The following CHRNA5 variants were observed in gnomAD, a reference collection of about 807,000 sequenced individuals.
The protein encoded by CHRNA5 is neuronal acetylcholine receptor subunit alpha-5.
A neutral mutation model predicts 41.2 loss-of-function variants in CHRNA5; 28 were observed. The ratio of observed to expected loss-of-function variants is 0.68; its 90% CI spans 0.50 to 0.93. The LOEUF is 0.93. Among genes scored for constraint, CHRNA5 ranks in the 40% least tolerant of loss-of-function variants. The pLI, the probability that CHRNA5 is intolerant of heterozygous loss-of-function variation, is 0.00. For missense variants in CHRNA5, 481 were observed against 581.9 expected (o/e 0.83, Z 1.78); for synonymous variants, 188 against 205.8 (o/e 0.91, Z 0.74).
intron 1 of CHRNA5, among the ~76,000 whole-genome samples, chr15:78,567,077 C>G (rs996232370): frequency 6.6e-6 from 1 of 151,952 alleles, no homozygotes; most frequent in African/African-American, 2.4e-5. Flanking sequence ...ACAGTGAAAC[C>G]CCGTCTCTAC....
intron 1 of CHRNA5, among the ~76,000 whole-genome samples, chr15:78,568,854 G>C (rs547690592): frequency 6.6e-6 from 1 of 152,074 alleles, no homozygotes; most frequent in Non-Finnish European, 1.5e-5. Flanking sequence ...ATTTTAAATG[G>C]CTGAACCTTA....
intron 5 of CHRNA5, among the ~76,000 whole-genome samples, chr15:78,592,874 G>A (rs1324030060): frequency 1.3e-5 from 2 of 152,028 alleles, no homozygotes; most frequent in Admixed American, 6.6e-5. Context: ...AAGTTGATGT[G>A]TAAATGAACA....
Position 78,577,388 on chromosome 15 carries a change from G to C in CHRNA5, c.107-3423G>C, listed in dbSNP as rs186130944. Among the ~76,000 whole-genome samples the C allele has an allele frequency of 9.2e-5, 14 of 152,276 alleles. 1 individual carries two copies. The East Asian group carries it at 2.7e-3, about 29-fold the overall frequency. On this transcript the variant is annotated intron_variant, in intron 1 of 5. Coordinates refer to ENST00000299565, the Ensembl canonical transcript of CHRNA5. ...AAGAAGAATTTAAGTGCACTATCAA[G>C]GTTTTATGCTAAGATACCTTTGACA...
At chr15:78,579,310 G>A (rs981582480) in intron 1 of CHRNA5, among the ~76,000 whole-genome samples, 4 of 152,126 alleles carry the variant, frequency 2.6e-5, no homozygotes, top group Non-Finnish European at 5.9e-5. Flanking sequence ...CTGGAGTGCA[G>A]TGGCACAATC....
At chr15:78,570,504 G>C (rs903545602) in intron 1 of CHRNA5, among the ~76,000 whole-genome samples, 2 of 136,904 alleles carry the variant, frequency 1.5e-5, no homozygotes, top group Non-Finnish European at 3.0e-5. Flanking sequence ...TCCTGGCCTC[G>C]AATGATCCGC....
Position 78,589,879 on chromosome 15 carries a change from C to T in CHRNA5, c.488C>T (p.Pro163Leu), listed in dbSNP as rs55863434. ...AATGGCACTGTCACCTGGACTCCACCGGCAAACTACAAAAGTTCCTGTACC... is the reference window on the plus strand; with the variant it reads ...AATGGCACTGTCACCTGGACTCCACTGGCAAACTACAAAAGTTCCTGTACC... Residue 163 changes from proline (P) to leucine (L), a missense_variant, in exon 5 of 6, where the codon CCG becomes CTG. Physicochemically the swap from Pro to Leu is moderately conservative, Grantham distance 98. Transcript: ENST00000299565. 233 of 1,614,014 alleles carry T rather than the reference C, an allele frequency of 1.4e-4. 1 individual carries two copies. Among genetic ancestry groups the T allele is most frequent in the Admixed American group, 9.7e-4 (58 of 60,000 alleles).
chr15:78,569,693 A>G (rs2141395881), intron 1 of CHRNA5, among the ~76,000 whole-genome samples: 1 of 152,222 alleles, frequency 6.6e-6, no homozygotes, highest in South Asian at 2.1e-4. Context: ...TCGGCGTCCC[A>G]AAGTGCTGGG....
intron 1 of CHRNA5, among the ~76,000 whole-genome samples, chr15:78,569,787 A>G (rs1039248932): frequency 6.6e-6 from 1 of 151,438 alleles, no homozygotes; most frequent in Non-Finnish European, 1.5e-5. Context: ...TCTGTTCCAC[A>G]GAACAGCATG....
rs146801604 is a variant in CHRNA5 at position 78,590,390 on chromosome 15, C to T, written c.999C>T (p.Phe333=). ...CACTGTCAATTATGGTAACCGTCTTCGCTATCAACATTCATCATCGTTCTT... is the reference window on the plus strand; with the variant it reads ...CACTGTCAATTATGGTAACCGTCTTTGCTATCAACATTCATCATCGTTCTT... Residue 333 remains phenylalanine (F), a synonymous_variant, in exon 5 of 6, where the codon TTC becomes TTT. Coordinates refer to ENST00000299565, the Ensembl canonical transcript of CHRNA5. The T allele has an allele frequency of 2.2e-4, 351 of 1,614,158 alleles. 3 individuals carry two copies. The South Asian group carries it at 2.6e-3, about 12-fold the overall frequency.
chr15:78,578,513 A>C (rs1255983182), intron 1 of CHRNA5, among the ~76,000 whole-genome samples: 3 of 152,200 alleles, frequency 2.0e-5, no homozygotes, highest in African/African-American at 7.2e-5. Flanking sequence ...TCTCAAGATA[A>C]ATAAATAAAA....
intron 1 of CHRNA5, 122 bp downstream of exon 1, chr15:78,565,947 C>T (rs1014243322): frequency 1.1e-4 from 45 of 400,314 alleles, no homozygotes; most frequent in Admixed American, 6.4e-4. Context: ...GGGTTTTTTT[C>T]TCCTGGGGGC....
chr15:78,567,265 AAAG>A (rs953309227), intron 1 of CHRNA5, among the ~76,000 whole-genome samples: 18 of 78,814 alleles, frequency 2.3e-4, no homozygotes, highest in African/African-American at 5.1e-4. Flanking sequence ...AAAAAAAAAA[AAAG>A]AAAAGAAAAG....
At chr15:78,574,651 C>T (rs1385467656) in intron 1 of CHRNA5, among the ~76,000 whole-genome samples, 1 of 152,058 alleles carries the variant, frequency 6.6e-6, no homozygotes. Flanking sequence ...CAATTATTGA[C>T]ATATTGCTAA....
chr15:78,591,060 G>T (rs1277251209), intron 5 of CHRNA5: 1 of 163,802 alleles, frequency 6.1e-6, no homozygotes, highest in African/African-American at 2.4e-5. Context: ...CATTATAACA[G>T]TTAATGGAGT....
chr15:78,567,957 A>G (rs1567049107), intron 1 of CHRNA5, among the ~76,000 whole-genome samples: 2 of 152,018 alleles, frequency 1.3e-5, no homozygotes, highest in Admixed American at 1.3e-4. Context: ...GAGACCTGCC[A>G]CTCGCTGTCT....
exon 6 of CHRNA5, chr15:78,594,077 T>G (rs2053058362): frequency 6.6e-6 from 1 of 152,166 alleles, no homozygotes; most frequent in Non-Finnish European, 1.5e-5. Context: ...GTGCTGCTGC[T>G]TTTCCATAAC....
At chr15:78,573,445 C>T (rs1226609917) in intron 1 of CHRNA5, among the ~76,000 whole-genome samples, 5 of 152,196 alleles carry the variant, frequency 3.3e-5, no homozygotes, top group Admixed American at 1.3e-4. Context: ...GGAAGACAGG[C>T]ACCAGGTCTT....
chr15:78,566,705 G>A (rs2052751036), intron 1 of CHRNA5, among the ~76,000 whole-genome samples: 1 of 152,170 alleles, frequency 6.6e-6, no homozygotes, highest in South Asian at 2.1e-4. Flanking sequence ...CCTTTCCTTT[G>A]TTAAGGTTTT....
At chr15:78,592,096 G>C (rs1178200358) in intron 5 of CHRNA5, among the ~76,000 whole-genome samples, 2 of 152,172 alleles carry the variant, frequency 1.3e-5, no homozygotes, top group Admixed American at 1.3e-4. Flanking sequence ...GGCTGAGGCA[G>C]GTGGATCACG....
Sources: gnomAD v4.1 joint callset for allele counts (sites outside exome capture counted in the v4.1 genomes callset) on GRCh38, gnomAD v4.1.1 for gene constraint, MANE v1.5 for transcripts, NCBI Gene and HGNC (gene_info 2026-07-23, HGNC 2026-07-21) for gene names.